The following FGD6 variants were observed in gnomAD, a reference collection of about 807,000 sequenced individuals.
The protein encoded by FGD6 is FYVE, RhoGEF and PH domain containing 6.
In FGD6, 90 loss-of-function variants were observed where a neutral mutation model predicts 149.4. That is an observed-to-expected ratio of 0.60 (90% CI 0.51 to 0.72). The LOEUF is 0.72. Among genes scored for constraint, FGD6 ranks in the 30% least tolerant of loss-of-function variants. The pLI, the probability that FGD6 is intolerant of heterozygous loss-of-function variation, is 0.00. For synonymous variants in FGD6, 527 were observed against 584.0 expected (o/e 0.90, Z 1.41); for missense variants, 1,437 against 1,684.8 (o/e 0.85, Z 2.57).
rs73372343 is a variant in FGD6 at position 95,170,127 on chromosome 12, A to G, written c.2586+2473T>C. Among the ~76,000 whole-genome samples the G allele has an allele frequency of 2.5e-3, 376 of 152,200 alleles. 1 individual carries two copies. Among genetic ancestry groups the G allele is most frequent in the African/African-American group, 8.3e-3 (345 of 41,534 alleles). On this transcript the variant is annotated intron_variant, in intron 3 of 20. Coordinates refer to ENST00000343958, the MANE Select transcript of FGD6 (RefSeq NM_018351.4). The stretch of plus-strand genomic sequence containing the variant: ...CAGAGCAAGACTCCGTCTCAAAAAA[A>G]AAGAAGACAATTTGAATGTTCTTCC...
chr12:95,137,704 A>G (rs1399201679), intron 6 of FGD6, 26 bp from the exon 7 acceptor site: 2 of 1,508,254 alleles, frequency 1.3e-6, no homozygotes, highest in Admixed American at 4.4e-5. Flanking sequence ...AGATACACAA[A>G]AAAATATAAA....
intron 3 of FGD6, among the ~76,000 whole-genome samples, chr12:95,167,580 T>TG (rs1880858471): frequency 6.6e-6 from 1 of 150,832 alleles, no homozygotes; most frequent in African/African-American, 2.4e-5. Flanking sequence ...GTTTGAGGTT[T>TG]TTTTTTTTTT....
chr12:95,126,282 GCCCA>G (rs1879336442), intron 8 of FGD6: 1 of 1,412,444 alleles, frequency 7.1e-7, no homozygotes. Context: ...GAAGGTTCCT[GCCCA>G]GAAAGCCACA....
At chr12:95,139,724 C>A (rs1045429114) in intron 6 of FGD6, among the ~76,000 whole-genome samples, 1 of 151,204 alleles carries the variant, frequency 6.6e-6, no homozygotes, top group African/African-American at 2.4e-5. Context: ...GGCACAATCT[C>A]GGCTCACTGC....
chr12:95,126,304 AG>A, intron 8 of FGD6: 1 of 1,499,880 alleles, frequency 6.7e-7, no homozygotes, highest in Non-Finnish European at 9.2e-7. Context: ...ACAGGCCAGA[AG>A]GCAGCACCTC....
At chr12:95,153,959 G>T (rs1880390304) in intron 3 of FGD6, among the ~76,000 whole-genome samples, 1 of 142,622 alleles carries the variant, frequency 7.0e-6, no homozygotes. Context: ...GTGAGAGAGA[G>T]AAGAGACAGA....
In FGD6 at chr12:95,153,948, AGT is replaced by A. The variant is rs796395338; in HGVS notation, c.2587-957_2587-956del. 8.3e-3 allele frequency among the ~76,000 whole-genome samples: 1,169 copies of A among 141,090 alleles called. 17 individuals carry two copies. Among genetic ancestry groups the A allele is most frequent in the African/African-American group, 0.022 (838 of 37,866 alleles). The allele number at this position is 141,090 out of a possible 152,430, so 92.6% of individuals were successfully genotyped here. A position where few individuals can be genotyped will look rare whatever the true frequency, so the allele number is the denominator to read the frequency against. ...GTGTGTGTGTGTGTGTGTGTGTGTG[AGT>A]GAGAGAGAGAAGAGACAGAGAGAGA... On this transcript the variant is annotated intron_variant, in intron 3 of 20. Coordinates refer to ENST00000343958, the MANE Select transcript of FGD6 (RefSeq NM_018351.4).
intron 3 of FGD6, among the ~76,000 whole-genome samples, chr12:95,163,927 A>G (rs957113654): frequency 3.9e-5 from 6 of 152,228 alleles, no homozygotes; most frequent in Non-Finnish European, 7.3e-5. Context: ...TCCAACTTGT[A>G]AGAACAATGA....
At chr12:95,149,699 A>C (rs2136271385) in intron 5 of FGD6, among the ~76,000 whole-genome samples, 1 of 144,778 alleles carries the variant, frequency 6.9e-6, no homozygotes, top group African/African-American at 2.5e-5. Context: ...AAATTTGTTG[A>C]GTGTCAAGCT....
At chr12:95,186,224 TCTTC>T (rs1408943983) in intron 2 of FGD6, among the ~76,000 whole-genome samples, 3 of 26,766 alleles carry the variant, frequency 1.1e-4, no homozygotes, top group East Asian at 1.7e-3. Flanking sequence ...CTTATATTCT[TCTTC>T]TTTTTTTTTT....
chr12:95,137,266 C>T lies in FGD6; in HGVS notation c.2994+256G>A, dbSNP rs534639049. Among the ~76,000 whole-genome samples, 12 of 152,196 alleles carry T rather than the reference C, an allele frequency of 7.9e-5. No individual in the cohort carries two copies. In the South Asian group the frequency reaches 2.5e-3, roughly 32 times the overall value. The stretch of plus-strand genomic sequence containing the variant: ...ATGTACTCCAGCCTGGGCAACAGAG[C>T]AAGACTCTGTCTCAAAAAAAAAATT... On this transcript the variant is annotated intron_variant, in intron 7 of 20. Coordinates refer to ENST00000343958, the MANE Select transcript of FGD6 (RefSeq NM_018351.4).
chr12:95,156,568 G>A lies in FGD6; in HGVS notation c.2587-3575C>T, dbSNP rs547503368. On this transcript the variant is annotated intron_variant, in intron 3 of 20. Coordinates refer to ENST00000343958, the MANE Select transcript of FGD6 (RefSeq NM_018351.4). ...TCATTAGCAATTTTAATTTCGCCCC[G>A]TCCTGTGGTCCTGTGATCTCGCCCT... Among the ~76,000 whole-genome samples, 378 of 151,360 alleles carry A rather than the reference G, an allele frequency of 2.5e-3. 1 individual carries two copies. Among genetic ancestry groups the A allele is most frequent in the Non-Finnish European group, 4.1e-3 (277 of 67,742 alleles).
Position 95,141,510 on chromosome 12 carries a change from G to A in FGD6, c.2715C>T (p.Ser905=). 3 of 1,614,074 alleles carry A rather than the reference G, an allele frequency of 1.9e-6. No individual in the cohort carries two copies. Among genetic ancestry groups the A allele is most frequent in the South Asian group, 1.1e-5 (1 of 91,072 alleles). The change falls in exon 6 of 21, where the codon TCC becomes TCT. Residue 905 remains serine (S), a synonymous_variant. Transcript: ENST00000343958. The stretch of plus-strand genomic sequence containing the variant: ...CAATCACTGGTTTCCCAAGTTGCCT[G>A]GAAGCATGAGCTACTGCATCCCGGA... The part of the protein sequence containing the change: ...IDFRDAVAHA[S]RQLGKPVIED...
At chr12:95,190,889 T>C (rs1340764372) in intron 2 of FGD6, among the ~76,000 whole-genome samples, 2 of 152,094 alleles carry the variant, frequency 1.3e-5, no homozygotes, top group African/African-American at 2.4e-5. Context: ...TGTCTCTATA[T>C]TTTAAAAAAA....
chr12:95,116,876 T>G (rs1324224557), intron 8 of FGD6: 1 of 455,958 alleles, frequency 2.2e-6, no homozygotes, highest in Non-Finnish European at 4.4e-6. Context: ...CCTTAAACAG[T>G]TAAGAATCAC....
chr12:95,087,177 G>A (rs1320459719), intron 18 of FGD6, among the ~76,000 whole-genome samples: 1 of 152,100 alleles, frequency 6.6e-6, no homozygotes, highest in Non-Finnish European at 1.5e-5. Context: ...TAAAAATGTA[G>A]GAGTAGATAA....
intron 3 of FGD6, among the ~76,000 whole-genome samples, chr12:95,153,762 TA>T (rs1391982184): frequency 6.6e-6 from 1 of 152,138 alleles, no homozygotes; most frequent in Non-Finnish European, 1.5e-5. Context: ...ACTCACAACT[TA>T]AATATAGTCT....
chr12:95,181,734 ACAAGGT>A, intron 2 of FGD6, among the ~76,000 whole-genome samples: 1 of 152,184 alleles, frequency 6.6e-6, no homozygotes, highest in Non-Finnish European at 1.5e-5. Context: ...CAGGCAGATC[ACAAGGT>A]CAGGAGATCA....
At position 95,079,000 on chromosome 12, in the gene FGD6, TATAGACTGTGCCCA is replaced by T. The variant is rs2136227521; in HGVS notation, c.*2506_*2519del. The T allele has an allele frequency of 6.6e-6, 1 of 152,356 alleles. No individual in the cohort carries two copies. The highest frequency in any genetic ancestry group is 1.5e-5 in the Non-Finnish European group (1 of 68,034). The allele number at this position is 152,356 out of a possible 1,614,324, so 9.4% of individuals were successfully genotyped here. A position where few individuals can be genotyped will look rare whatever the true frequency, so the allele number is the denominator to read the frequency against. On this transcript the variant is annotated 3_prime_UTR_variant, in exon 21 of 21. Transcript: ENST00000343958. ...ATACTACTTAACTTTTCTCCCCATT[TATAGACTGTGCCCA>T]ATATCATTTTTCCTCTAAAATACTA...
Sources: allele counts gnomAD v4.1 joint callset (sites outside exome capture counted in the v4.1 genomes callset), GRCh38; gene constraint gnomAD v4.1.1; transcripts MANE v1.5; gene names NCBI Gene and HGNC (gene_info 2026-07-23, HGNC 2026-07-21).